DGCR6L: variants seen among roughly 807,000 people sequenced by gnomAD.
DGCR6L encodes the protein DiGeorge syndrome critical region gene 6 like.
DGCR6L carries 24 observed loss-of-function variants against 31.1 expected under a neutral mutation model. That is an observed-to-expected ratio of 0.77 (90% CI 0.56 to 1.08). DGCR6L has a LOEUF of 1.08. Ranked by LOEUF, DGCR6L falls within the 50% of genes least tolerant of loss-of-function variation. The pLI is 0.00. For synonymous variants in DGCR6L, 104 were observed against 126.1 expected, an observed-to-expected ratio of 0.82 and a Z score of 1.17; for missense variants, 218 against 287.1, an observed-to-expected ratio of 0.76 and a Z score of 1.74.
chr22:20,315,505 A>G (rs1245070234), intron 3 of DGCR6L, 29 bp from the exon 4 acceptor site: 9 of 1,607,636 alleles, frequency 5.6e-6, no homozygotes, highest in Admixed American at 3.3e-5. Context: ...GCGGAGGGGG[A>G]GAGGTGAGGG....
At chr22:20,318,884 T>G (rs1405701108) in intron 2 of DGCR6L, 3 of 152,256 alleles carry the variant, frequency 2.0e-5, no homozygotes, top group Non-Finnish European at 2.9e-5. Flanking sequence ...CCAGGAATGC[T>G]GAAGACTCTT....
chr22:20,319,833 G>C, intron 1 of DGCR6L, 34 bp from the exon 2 acceptor site: 1 of 1,598,036 alleles, frequency 6.3e-7, no homozygotes, highest in East Asian at 2.3e-5. Context: ...GCCCCGGCGG[G>C]AAACGAAGCC....
At position 20,319,949 on chromosome 22, in the gene DGCR6L, C is replaced by A; in HGVS notation, c.40G>T (p.Gly14Cys). Residue 14 changes from glycine to cysteine, a missense_variant, in exon 1 of 5, where the codon GGT (glycine) becomes TGT (cysteine). Physicochemically the swap from Gly to Cys is radical, Grantham distance 159 (BLOSUM62 -3). Around this residue, in one of 4 missense-constraint regions of DGCR6L, gnomAD observed 77 missense variants for 71.2 expected, o/e 1.08. Coordinates refer to ENST00000248879, the MANE Select transcript of DGCR6L (RefSeq NM_033257.4). ...YAAALEEVADGARQQERHYQL... is the reference protein window; with the variant it reads ...YAAALEEVADCARQQERHYQL... ...TAGTGTCGCTCCTGCTGCCGGGCAC[C>A]GTCCGCCACCTCCTCCAAGGCGGCC... is the stretch of plus-strand genomic sequence containing the variant. The A allele has an allele frequency of 6.2e-7, 1 of 1,607,780 alleles. No individual in the cohort carries two copies. The highest frequency in any genetic ancestry group is 8.5e-7 in the Non-Finnish European group (1 of 1,178,236).
At chr22:20,316,368 A>C in intron 2 of DGCR6L, 149 bp from the exon 3 acceptor site, 2 of 1,109,036 alleles carry the variant, frequency 1.8e-6, no homozygotes, top group Non-Finnish European at 2.7e-6. Context: ...CTCCCACCCC[A>C]CTGTCACCCA....
At position 20,319,981 on chromosome 22, in the gene DGCR6L, C is replaced by T; in HGVS notation, c.8G>A (p.Arg3His). 3.2e-6 allele frequency: 5 copies of T among 1,580,260 alleles called. No individual in the cohort carries two copies. The highest frequency in any genetic ancestry group is 4.3e-6 in the Non-Finnish European group (5 of 1,166,782). ...CACCTCCTCCAAGGCGGCCGCGTAGCGCTCCATGGCGCGGACGCCCGCTAG... is the reference window on the plus strand; with the variant it reads ...CACCTCCTCCAAGGCGGCCGCGTAGTGCTCCATGGCGCGGACGCCCGCTAG... MERYAAALEEVAD... is the reference protein window; with the variant it reads MEHYAAALEEVAD... Residue 3 changes from arginine to histidine, a missense_variant, in exon 1 of 5, where the codon CGC (arginine) becomes CAC (histidine). This residue lies in a region of DGCR6L where 77 missense variants were observed against 71.2 expected (regional missense o/e 1.08). Transcript: ENST00000248879.
intron 2 of DGCR6L, chr22:20,318,637 G>A (rs2051586388): frequency 6.6e-6 from 1 of 152,224 alleles, no homozygotes. Context: ...ACCCGGAACA[G>A]TTAATTTCTC....
rs2051561581 is a variant in DGCR6L, at chr22:20,315,058, C to T, written c.514-234G>A. 2.5e-6 allele frequency: 3 copies of T among 1,216,830 alleles called. No homozygotes were observed. The East Asian group carries it at 7.6e-5, about 31-fold the overall frequency. 75.4% of individuals were successfully genotyped at this position (1,216,830 alleles called of 1,614,324 possible). A position where few individuals can be genotyped will look rare whatever the true frequency, so the allele number is the denominator to read the frequency against. On this transcript the variant is annotated intron_variant, in intron 4 of 4. Coordinates refer to ENST00000248879, the MANE Select transcript of DGCR6L (RefSeq NM_033257.4). ...TGAGCCTCTGCCCCCAGCAGGGCCA[C>T]TCGGAATGGCATGCGGGAGGGGAGC... is the stretch of plus-strand genomic sequence containing the variant.
intron 3 of DGCR6L, 131 bp downstream of exon 3, chr22:20,315,988 A>G: frequency 1.8e-6 from 2 of 1,096,440 alleles, no homozygotes; most frequent in Non-Finnish European, 2.5e-6. Flanking sequence ...CTAGGCCTCC[A>G]GTGTCCCACT....
At chr22:20,315,934 A>C (rs553201082) in intron 3 of DGCR6L, among the ~76,000 whole-genome samples, 185 bp downstream of exon 3, 4 of 152,290 alleles carry the variant, frequency 2.6e-5, no homozygotes, top group Admixed American at 2.0e-4. Context: ...ACCCAGCCCC[A>C]GCACACTTGG....
At chr22:20,315,830 TG>T (rs1341199871) in intron 3 of DGCR6L, among the ~76,000 whole-genome samples, 1 of 152,160 alleles carries the variant, frequency 6.6e-6, no homozygotes, top group Non-Finnish European at 1.5e-5. Context: ...ACCCTACCAT[TG>T]CCTTTGTACC....
chr22:20,315,522 T>C, intron 3 of DGCR6L, 46 bp from the exon 4 acceptor site: 1 of 1,597,842 alleles, frequency 6.3e-7, no homozygotes, highest in South Asian at 1.1e-5. Context: ...AGGGCAGCTC[T>C]GCCATCAGGG....
At chr22:20,316,002 G>T in intron 3 of DGCR6L, 117 bp downstream of exon 3, 1 of 1,269,758 alleles carries the variant, frequency 7.9e-7, no homozygotes, top group Non-Finnish European at 1.1e-6. Flanking sequence ...TCCCACTCAG[G>T]CCCAGGACAG....
At position 20,320,050 on chromosome 22, in the gene DGCR6L, G is replaced by A; in HGVS notation, c.-62C>T. ...AGCTCCCCCAGCTTCACGACATCCCGAGCGCGGCGCGTCCCGCCCCTTTTA... is the reference window on the plus strand; with the variant it reads ...AGCTCCCCCAGCTTCACGACATCCCAAGCGCGGCGCGTCCCGCCCCTTTTA... On this transcript the variant is annotated 5_prime_UTR_variant, in exon 1 of 5. Transcript: ENST00000248879. 2 of 1,462,004 alleles carry A rather than the reference G, an allele frequency of 1.4e-6. No individual in the cohort carries two copies. Among genetic ancestry groups the A allele is most frequent in the Non-Finnish European group, 1.8e-6 (2 of 1,111,144 alleles). The allele number at this position is 1,462,004 out of a possible 1,614,324, so 90.6% of individuals were successfully genotyped here. A position where few individuals can be genotyped will look rare whatever the true frequency, so the allele number is the denominator to read the frequency against.
intron 2 of DGCR6L, 55 bp downstream of exon 2, chr22:20,319,584 G>A (rs2051592918): frequency 4.4e-6 from 7 of 1,590,962 alleles, no homozygotes; most frequent in Non-Finnish European, 5.1e-6. Context: ...ACCAAGAGCT[G>A]CCCGGAGGCG....
chr22:20,318,988 A>G (rs1475397546), intron 2 of DGCR6L, among the ~76,000 whole-genome samples: 1 of 152,240 alleles, frequency 6.6e-6, no homozygotes, highest in Non-Finnish European at 1.5e-5. Flanking sequence ...GCACAAGCGT[A>G]TGCACTATAC....
chr22:20,316,700 C>G (rs1291362887), intron 2 of DGCR6L, among the ~76,000 whole-genome samples: 1 of 152,214 alleles, frequency 6.6e-6, no homozygotes, highest in Non-Finnish European at 1.5e-5. Flanking sequence ...ACCCTCAGTG[C>G]TGCCCTTCAG....
chr22:20,319,658 G>A lies in DGCR6L; in HGVS notation c.252C>T (p.Arg84=). The change falls in exon 2 of 5, where the codon CGC becomes CGT. Residue 84 remains arginine (R), a synonymous_variant. Coordinates refer to ENST00000248879, the MANE Select transcript of DGCR6L (RefSeq NM_033257.4). ...TEKSLYNQRL[R]LQNEHRVLRQ... Reference sequence around the variant, plus strand: ...GCGCACCTCGGTGCTCGTTCTGTAGGCGCAGGCGCTGGTTGTACAGGCTCT... The same window carrying A: ...GCGCACCTCGGTGCTCGTTCTGTAGACGCAGGCGCTGGTTGTACAGGCTCT... 6.2e-7 allele frequency: 1 copy of A among 1,611,648 alleles called. No homozygotes were observed. The highest frequency in any genetic ancestry group is 1.1e-5 in the South Asian group (1 of 90,940).
intron 2 of DGCR6L, chr22:20,318,428 G>A (rs905948106): frequency 2.0e-5 from 3 of 151,704 alleles, no homozygotes; most frequent in African/African-American, 4.8e-5. Flanking sequence ...ATCAAGAGCA[G>A]GGCATTCTAT....
At position 20,320,010 on chromosome 22, in the gene DGCR6L, C is replaced by G; in HGVS notation, c.-22G>C. ...CCATGGCGCGGACGCCCGCTAGCCG[C>G]CGGCGGCGGCGACGAGCTCCCCCAG... On this transcript the variant is annotated 5_prime_UTR_variant, in exon 1 of 5. Coordinates refer to ENST00000248879, the MANE Select transcript of DGCR6L (RefSeq NM_033257.4). The G allele has an allele frequency of 1.3e-6, 2 of 1,527,576 alleles. No individual in the cohort carries two copies. Among genetic ancestry groups the G allele is most frequent in the South Asian group, 2.5e-5 (2 of 81,422 alleles). 94.6% of individuals were successfully genotyped at this position (1,527,576 alleles called of 1,614,324 possible).
Sources: gnomAD v4.1 joint callset for allele counts (sites outside exome capture counted in the v4.1 genomes callset) on GRCh38, gnomAD v4.1.1 for gene constraint, gnomAD v4.1.1 regional missense constraint, MANE v1.5 for transcripts, NCBI Gene and HGNC (gene_info 2026-07-23, HGNC 2026-07-21) for gene names.